HDAC9: variants seen among roughly 807,000 people sequenced by gnomAD.
HDAC9 encodes histone deacetylase 9.
In HDAC9, 41 loss-of-function variants were observed where a neutral mutation model predicts 139.4. The observed-to-expected ratio is 0.29, with a 90% confidence interval of 0.23 to 0.38. HDAC9 has a LOEUF of 0.38. HDAC9 is among the 10% of genes least tolerant of loss of function. The probability of loss-of-function intolerance (pLI) is 1.00; values close to 1 mark genes in which losing one functional copy is unlikely to be tolerated. For missense variants in HDAC9, 1,147 were observed against 1,297.0 expected, an observed-to-expected ratio of 0.88 and a Z score of 1.78; for synonymous variants, 517 against 476.2, an observed-to-expected ratio of 1.09 and a Z score of -1.12.
intron 11 of HDAC9, among the ~76,000 whole-genome samples, chr7:18,650,306 A>G (rs1159854598): frequency 6.6e-6 from 1 of 152,144 alleles, no homozygotes; most frequent in Non-Finnish European, 1.5e-5. Flanking sequence ...AGGTTTGTTT[A>G]TAAAACCAGT....
intron 12 of HDAC9, among the ~76,000 whole-genome samples, chr7:18,671,696 A>T (rs1283128009): frequency 6.6e-6 from 1 of 151,982 alleles, no homozygotes. Flanking sequence ...CTCAAAAAAA[A>T]ATCTTGTACC....
At chr7:18,372,875 A>T (rs1304861770) in intron 1 of HDAC9, among the ~76,000 whole-genome samples, 1 of 152,236 alleles carries the variant, frequency 6.6e-6, no homozygotes, top group Non-Finnish European at 1.5e-5. Flanking sequence ...GGTATTAACC[A>T]TATAACAGAT....
chr7:18,127,203 A>G (rs1296316579), intron 1 of HDAC9: 1 of 168,590 alleles, frequency 5.9e-6, no homozygotes, highest in Non-Finnish European at 1.5e-5. Flanking sequence ...ACCTAGTAAT[A>G]TTTGAATTTT....
intron 1 of HDAC9, among the ~76,000 whole-genome samples, chr7:18,161,962 A>G (rs903752583): frequency 6.6e-6 from 1 of 152,204 alleles, no homozygotes; most frequent in Admixed American, 6.5e-5. Context: ...AATTATAATT[A>G]TGTGAATTGC....
chr7:18,570,943 A>C (rs1267649787), intron 2 of HDAC9, among the ~76,000 whole-genome samples: 1 of 152,248 alleles, frequency 6.6e-6, no homozygotes, highest in Non-Finnish European at 1.5e-5. Flanking sequence ...ACTTGGAATC[A>C]GTACATTTAG....
chr7:18,404,712 G>A (rs1340665180), intron 1 of HDAC9, among the ~76,000 whole-genome samples: 2 of 152,062 alleles, frequency 1.3e-5, no homozygotes. Flanking sequence ...TTTACCATAG[G>A]CTAATTGATA....
chr7:18,974,776 A>G (rs1250115859), intron 24 of HDAC9, among the ~76,000 whole-genome samples: 1 of 152,212 alleles, frequency 6.6e-6, no homozygotes, highest in Non-Finnish European at 1.5e-5. Flanking sequence ...GCATCTCCCT[A>G]TTTCAGAGAC....
intron 13 of HDAC9, among the ~76,000 whole-genome samples, chr7:18,729,240 T>G (rs570305466): frequency 6.6e-6 from 1 of 152,088 alleles, no homozygotes; most frequent in East Asian, 1.9e-4. Context: ...TAACAACCAT[T>G]CTATCAAAAT....
chr7:18,410,806 T>A (rs1375656760), intron 1 of HDAC9, among the ~76,000 whole-genome samples: 1 of 152,194 alleles, frequency 6.6e-6, no homozygotes, highest in Non-Finnish European at 1.5e-5. Context: ...TGCCTAAATA[T>A]TTTTTTAAAT....
chr7:18,417,246 T>C (rs1056103994), intron 1 of HDAC9, among the ~76,000 whole-genome samples: 6 of 148,990 alleles, frequency 4.0e-5, no homozygotes, highest in African/African-American at 1.6e-4. Context: ...TAATCTCATA[T>C]ATTGTAGTTT....
At chr7:18,223,296 A>G (rs1399897066) in intron 2 of HDAC9, among the ~76,000 whole-genome samples, 2 of 152,120 alleles carry the variant, frequency 1.3e-5, no homozygotes, top group Non-Finnish European at 2.9e-5. Context: ...TGTTGCACAA[A>G]ATACCTAAAA....
At chr7:18,331,046 A>G (rs983556082) in intron 1 of HDAC9, among the ~76,000 whole-genome samples, 2 of 151,742 alleles carry the variant, frequency 1.3e-5, no homozygotes, top group East Asian at 1.9e-4. Context: ...TATCACAACC[A>G]TAAACAGAGA....
chr7:18,465,893 T>C (rs1239002471), intron 1 of HDAC9, among the ~76,000 whole-genome samples: 1 of 152,218 alleles, frequency 6.6e-6, no homozygotes, highest in Non-Finnish European at 1.5e-5. Flanking sequence ...ATATTAATTT[T>C]CTGTTGCTGC....
chr7:18,962,986 C>T (rs1783621058), intron 24 of HDAC9, among the ~76,000 whole-genome samples: 1 of 152,114 alleles, frequency 6.6e-6, no homozygotes, highest in African/African-American at 2.4e-5. Flanking sequence ...ATCTATATGA[C>T]CTTCCTGTTC....
chr7:18,375,588 G>T (rs1318342452), intron 1 of HDAC9, among the ~76,000 whole-genome samples: 2 of 152,178 alleles, frequency 1.3e-5, no homozygotes, highest in Non-Finnish European at 2.9e-5. Context: ...CACATATGTG[G>T]TGCAGATGGT....
intron 3 of HDAC9, among the ~76,000 whole-genome samples, chr7:18,589,723 G>A (rs749322867): frequency 2.6e-5 from 4 of 151,928 alleles, no homozygotes; most frequent in Admixed American, 1.3e-4. Context: ...AAAGAATAAA[G>A]CTTCTGCTAT....
intron 12 of HDAC9, among the ~76,000 whole-genome samples, chr7:18,703,508 A>C (rs1294609864): frequency 6.6e-6 from 1 of 152,188 alleles, no homozygotes; most frequent in Non-Finnish European, 1.5e-5. Context: ...GTGAGAGTAA[A>C]TCTGGTTTGC....
At chr7:18,765,039 A>G (rs1005924478) in intron 15 of HDAC9, among the ~76,000 whole-genome samples, 2 of 152,204 alleles carry the variant, frequency 1.3e-5, no homozygotes, top group African/African-American at 4.8e-5. Context: ...TTTCCTTAGC[A>G]TTAATATTCC....
chr7:18,221,249 G>A (rs1375913647), intron 2 of HDAC9, among the ~76,000 whole-genome samples: 2 of 151,928 alleles, frequency 1.3e-5, no homozygotes, highest in Non-Finnish European at 2.9e-5. Flanking sequence ...GAGATTACAG[G>A]GGCCCGCCGC....
Sources: gnomAD v4.1 joint callset for allele counts (sites outside exome capture counted in the v4.1 genomes callset) on GRCh38, gnomAD v4.1.1 for gene constraint, MANE v1.5 for transcripts, NCBI Gene and HGNC (gene_info 2026-07-23, HGNC 2026-07-21) for gene names.